ASAP1: variants seen among roughly 807,000 people sequenced by gnomAD.
ASAP1 encodes the protein arf-GAP with SH3 domain, ANK repeat and PH domain-containing protein 1.
In ASAP1, 43 loss-of-function variants were observed where a neutral mutation model predicts 145.2. The observed-to-expected ratio is 0.30, with a 90% CI of 0.23 to 0.38. The LOEUF (loss-of-function observed/expected upper bound fraction) is 0.38. ASAP1 is among the 10% of genes least tolerant of loss of function. The pLI is 1.00. For missense variants in ASAP1, 1,018 were observed against 1,355.3 expected, an observed-to-expected ratio of 0.75 and a Z score of 3.91; for synonymous variants, 546 against 515.5, an observed-to-expected ratio of 1.06 and a Z score of -0.80.
intron 15 of ASAP1, among the ~76,000 whole-genome samples, chr8:130,131,027 C>T (rs529594956): frequency 1.2e-4 from 19 of 152,196 alleles, no homozygotes; most frequent in Non-Finnish European, 1.8e-4. Context: ...CGTGGTGGCA[C>T]GCGCCTGTAG....
intron 11 of ASAP1, among the ~76,000 whole-genome samples, chr8:130,164,216 A>G (rs907912501): frequency 6.6e-6 from 1 of 152,250 alleles, no homozygotes; most frequent in Non-Finnish European, 1.5e-5. Flanking sequence ...AAAAGAGTCC[A>G]TAAGTGAATT....
At chr8:130,193,828 G>A (rs1040164057) in intron 5 of ASAP1, among the ~76,000 whole-genome samples, 1 of 152,192 alleles carries the variant, frequency 6.6e-6, no homozygotes, top group Non-Finnish European at 1.5e-5. Flanking sequence ...ATCATGTACT[G>A]ACCACACACC....
intron 9 of ASAP1, among the ~76,000 whole-genome samples, chr8:130,170,531 G>C (rs912517179): frequency 6.6e-6 from 1 of 152,184 alleles, no homozygotes; most frequent in African/African-American, 2.4e-5. Flanking sequence ...CAGGCTATTA[G>C]AAGTGGCCTT....
chr8:130,298,779 T>C (rs1232118051), intron 3 of ASAP1, among the ~76,000 whole-genome samples: 1 of 152,172 alleles, frequency 6.6e-6, no homozygotes, highest in Non-Finnish European at 1.5e-5. Context: ...ACATCCTTCT[T>C]TGACTCGGGA....
At chr8:130,111,251 C>T (rs1455779582) in intron 24 of ASAP1, among the ~76,000 whole-genome samples, 2 of 147,082 alleles carry the variant, frequency 1.4e-5, no homozygotes, top group African/African-American at 4.9e-5. Context: ...GGCATGGTGC[C>T]ACACACCTGT....
At chr8:130,406,643 A>C (rs548980876) in intron 1 of ASAP1, among the ~76,000 whole-genome samples, 41 of 151,976 alleles carry the variant, frequency 2.7e-4, no homozygotes, top group Non-Finnish European at 4.7e-4. Context: ...CACCATGCCC[A>C]GCTAATTTTT....
intron 25 of ASAP1, among the ~76,000 whole-genome samples, 163 bp downstream of exon 25, chr8:130,091,810 C>T (rs2097506028): frequency 6.6e-6 from 1 of 152,132 alleles, no homozygotes; most frequent in African/African-American, 2.4e-5. Flanking sequence ...TGTTCCTTTC[C>T]CTTAAGAGAC....
intron 17 of ASAP1, 24 bp from the exon 18 acceptor site, chr8:130,124,128 C>T (rs2097571127): frequency 6.7e-7 from 1 of 1,490,268 alleles, no homozygotes; most frequent in African/African-American, 1.4e-5. Flanking sequence ...AACAAACAAC[C>T]ACAATATAGC....
intron 3 of ASAP1, among the ~76,000 whole-genome samples, chr8:130,331,141 A>G (rs1207133525): frequency 1.3e-5 from 2 of 152,182 alleles, no homozygotes; most frequent in African/African-American, 4.8e-5. Flanking sequence ...CACACATATT[A>G]AATGTCAGCT....
At chr8:130,192,570 T>C (rs1032991671) in intron 5 of ASAP1, among the ~76,000 whole-genome samples, 7 of 152,164 alleles carry the variant, frequency 4.6e-5, no homozygotes, top group Non-Finnish European at 8.8e-5. Flanking sequence ...CTTAGAAGTT[T>C]GGATGGATGG....
At chr8:130,383,611 G>A (rs1290448157) in intron 2 of ASAP1, among the ~76,000 whole-genome samples, 1 of 152,200 alleles carries the variant, frequency 6.6e-6, no homozygotes, top group Non-Finnish European at 1.5e-5. Flanking sequence ...GGAAACGAGG[G>A]TCACAGGGAT....
At chr8:130,237,743 T>C (rs1818299530) in intron 3 of ASAP1, among the ~76,000 whole-genome samples, 1 of 152,064 alleles carries the variant, frequency 6.6e-6, no homozygotes, top group Admixed American at 6.6e-5. Context: ...TTCAGCAAAT[T>C]GTGCGTTTAG....
intron 18 of ASAP1, among the ~76,000 whole-genome samples, chr8:130,122,875 C>G (rs1402386542): frequency 1.3e-5 from 2 of 152,250 alleles, no homozygotes; most frequent in Non-Finnish European, 2.9e-5. Flanking sequence ...TGACATTCAT[C>G]TGGCAGCTGT....
intron 27 of ASAP1, among the ~76,000 whole-genome samples, chr8:130,062,576 G>A (rs957473298): frequency 5.9e-5 from 9 of 152,184 alleles, no homozygotes; most frequent in African/African-American, 2.2e-4. Flanking sequence ...CTGAGGTGGT[G>A]GGGCTAGAAA....
rs1823386465 is a variant in ASAP1 at position 130,312,002 on chromosome 8, T to C, written c.186+46015A>G. ...AGAACATGTAGGTGCAAATATACTC[T>C]TGTTCACCTCATTAAATTCTAAATG... On this transcript the variant is annotated intron_variant, in intron 3 of 29. Coordinates refer to ENST00000518721, the MANE Select transcript of ASAP1 (RefSeq NM_018482.4). Among the ~76,000 whole-genome samples, 5 of 152,238 alleles carry C rather than the reference T, an allele frequency of 3.3e-5. No individual in the cohort carries two copies. In the South Asian group the frequency reaches 8.3e-4, roughly 25 times the overall value.
intron 3 of ASAP1, among the ~76,000 whole-genome samples, chr8:130,286,002 T>G (rs375902782): frequency 2.0e-5 from 3 of 152,358 alleles, no homozygotes; most frequent in African/African-American, 7.2e-5. Context: ...TATCTATTAT[T>G]TTTAGCCACT....
In ASAP1 at chr8:130,214,632, T is replaced by C. The variant is rs758948660; in HGVS notation, c.329A>G (p.Asp110Gly). 15 of 1,612,662 alleles carry C rather than the reference T, an allele frequency of 9.3e-6. No individual in the cohort carries two copies. The highest frequency in any genetic ancestry group is 1.3e-5 in the African/African-American group (1 of 74,836). Residue 110 changes from aspartate (D) to glycine (G), a missense_variant, in exon 5 of 30, where the codon GAC becomes GGC. Asp to Gly is a moderately conservative substitution (Grantham distance 94, BLOSUM62 -1). Transcript: ENST00000518721. The part of the protein sequence containing the change: ...DKFGSNFLSR[D>G]NPDLGTAFVK... ...AAACGCGGTGCCAAGGTCGGGGTTG[T>C]CTCGACTTAAAAAATTACTCCCAAA...
intron 9 of ASAP1, among the ~76,000 whole-genome samples, chr8:130,172,435 A>G (rs13267150): frequency 6.6e-6 from 1 of 152,038 alleles, no homozygotes; most frequent in South Asian, 2.1e-4. Flanking sequence ...TGAAATAAAC[A>G]TTTTTTAAAA....
intron 3 of ASAP1, among the ~76,000 whole-genome samples, chr8:130,311,197 T>C (rs1823320557): frequency 6.6e-6 from 1 of 152,228 alleles, no homozygotes; most frequent in South Asian, 2.1e-4. Flanking sequence ...CATCTGTAGT[T>C]ATCTGAGTGG....
Sources: gnomAD v4.1 joint callset for allele counts (sites outside exome capture counted in the v4.1 genomes callset) on GRCh38, gnomAD v4.1.1 for gene constraint, MANE v1.5 for transcripts, NCBI Gene and HGNC (gene_info 2026-07-23, HGNC 2026-07-21) for gene names.